TIPARP: variants seen among roughly 807,000 people sequenced by gnomAD.
TIPARP encodes protein mono-ADP-ribosyltransferase TIPARP.
Under a neutral mutation model 56.5 loss-of-function variants are expected in TIPARP, and 12 were observed. The observed-to-expected ratio is 0.21, with a 90% CI of 0.14 to 0.34. The LOEUF (loss-of-function observed/expected upper bound fraction) is 0.34, where lower values mean the gene tolerates loss of function less well. Ranked by LOEUF, TIPARP falls within the 10% of genes least tolerant of loss-of-function variation. TIPARP has a pLI of 1.00. For synonymous variants in TIPARP, 296 were observed against 265.7 expected, an observed-to-expected ratio of 1.11 and a Z score of -1.11; for missense variants, 604 against 781.6, an observed-to-expected ratio of 0.77 and a Z score of 2.71.
chr3:156,690,180 A>G (rs1722529221), intron 2 of TIPARP, among the ~76,000 whole-genome samples: 1 of 152,112 alleles, frequency 6.6e-6, no homozygotes, highest in Non-Finnish European at 1.5e-5. Context: ...TAAACCCAAG[A>G]GCTATTTATC....
intron 2 of TIPARP, among the ~76,000 whole-genome samples, chr3:156,685,120 A>T (rs1454759626): frequency 6.6e-6 from 1 of 152,250 alleles, no homozygotes; most frequent in African/African-American, 2.4e-5. Context: ...CTCAAATTTT[A>T]GAAGTTGATG....
chr3:156,677,675 A>T lies in TIPARP; in HGVS notation c.-23A>T. On this transcript the variant is annotated 5_prime_UTR_variant, in exon 2 of 6. Coordinates refer to ENST00000295924, the MANE Select transcript of TIPARP (RefSeq NM_015508.5). ...CTCGTAGGATTTTTAGACTCTGAGG[A>T]GCAGTTGGAGCTAATCCACATTATG... is the stretch of plus-strand genomic sequence containing the variant. 1 of 1,534,392 alleles carries T rather than the reference A, an allele frequency of 6.5e-7. No individual in the cohort carries two copies. The highest frequency in any genetic ancestry group is 8.7e-7 in the Non-Finnish European group (1 of 1,145,246).
rs1174204112 is a variant in TIPARP at position 156,682,051 on chromosome 3, A to G, written c.917+3437A>G. ...TGCACACTGTGGAGTACTGTTGTGGATAATTGAAATTATGGAGGTTGTGCA... is the reference window on the plus strand; with the variant it reads ...TGCACACTGTGGAGTACTGTTGTGGGTAATTGAAATTATGGAGGTTGTGCA... On this transcript the variant is annotated intron_variant, in intron 2 of 5. Transcript: ENST00000295924. Among the ~76,000 whole-genome samples, 8 of 152,220 alleles carry G rather than the reference A, an allele frequency of 5.3e-5. No homozygotes were observed. In the East Asian group the frequency reaches 1.3e-3, roughly 26 times the overall value.
intron 2 of TIPARP, among the ~76,000 whole-genome samples, chr3:156,690,820 G>A (rs1164484228): frequency 6.6e-6 from 1 of 152,022 alleles, no homozygotes; most frequent in Non-Finnish European, 1.5e-5. Flanking sequence ...AGACCAGATG[G>A]GGTTTTCATC....
At chr3:156,683,625 TTCCTATTATACTAGAATTA>T (rs1218742335) in intron 2 of TIPARP, among the ~76,000 whole-genome samples, 2 of 152,230 alleles carry the variant, frequency 1.3e-5, no homozygotes, top group Non-Finnish European at 2.9e-5. Flanking sequence ...GTAAATCTAT[TTCCTATTATACTAGAATTA>T]TCCTATTATA....
intron 2 of TIPARP, among the ~76,000 whole-genome samples, chr3:156,692,705 TAG>T (rs1224349310): frequency 2.0e-5 from 3 of 152,146 alleles, no homozygotes; most frequent in Non-Finnish European, 4.4e-5. Context: ...AACATTGGGA[TAG>T]AGGATGGCAA....
chr3:156,684,790 T>C (rs1176899929), intron 2 of TIPARP, among the ~76,000 whole-genome samples: 1 of 152,186 alleles, frequency 6.6e-6, no homozygotes, highest in Admixed American at 6.5e-5. Flanking sequence ...TTATAGATTG[T>C]TTATGACAGT....
At chr3:156,679,889 C>A (rs1722247769) in intron 2 of TIPARP, among the ~76,000 whole-genome samples, 1 of 152,092 alleles carries the variant, frequency 6.6e-6, no homozygotes, top group South Asian at 2.1e-4. Flanking sequence ...TGACTGGTGC[C>A]CACAGAGCTT....
intron 2 of TIPARP, among the ~76,000 whole-genome samples, chr3:156,679,230 T>C (rs931530953): frequency 2.0e-5 from 3 of 152,176 alleles, no homozygotes; most frequent in African/African-American, 7.2e-5. Flanking sequence ...GAAGAGTCCT[T>C]TAACAATCAG....
chr3:156,678,059 T>C lies in TIPARP; in HGVS notation c.362T>C (p.Ile121Thr), dbSNP rs201782670. Residue 121 changes from isoleucine to threonine, a missense_variant, in exon 2 of 6, where the codon ATA becomes ACA. Coordinates refer to ENST00000295924, the MANE Select transcript of TIPARP (RefSeq NM_015508.5). Reference sequence around the variant, plus strand: ...GATAGGACAAATGTTGGGGACCAGATACCGGAAGCCCATCCTTCCACTGAA... The same window carrying C: ...GATAGGACAAATGTTGGGGACCAGACACCGGAAGCCCATCCTTCCACTGAA... ...IPDRTNVGDQIPEAHPSTEAP... is the reference protein window; with the variant it reads ...IPDRTNVGDQTPEAHPSTEAP... 2.9e-5 allele frequency: 47 copies of C among 1,614,102 alleles called. No homozygotes were observed. The highest frequency in any genetic ancestry group is 3.5e-5 in the Non-Finnish European group (41 of 1,180,020).
At chr3:156,696,785 A>G (rs1042701587) in intron 4 of TIPARP, among the ~76,000 whole-genome samples, 7 of 152,156 alleles carry the variant, frequency 4.6e-5, no homozygotes, top group African/African-American at 1.7e-4. Flanking sequence ...CAGATATGCT[A>G]TTTTTAGAGA....
At chr3:156,687,101 T>C (rs181032509) in intron 2 of TIPARP, among the ~76,000 whole-genome samples, 10 of 152,330 alleles carry the variant, frequency 6.6e-5, no homozygotes, top group Admixed American at 4.6e-4. Flanking sequence ...TAAGGCATGC[T>C]ACCAATTTAT....
intron 2 of TIPARP, among the ~76,000 whole-genome samples, chr3:156,688,638 A>G (rs1559973315): frequency 6.6e-6 from 1 of 152,144 alleles, no homozygotes; most frequent in Non-Finnish European, 1.5e-5. Context: ...TTTTCACAAA[A>G]TGTGTTGGTA....
In TIPARP at chr3:156,706,645, C is replaced by T. The variant is rs1286895290; in HGVS notation, c.*1514C>T. On this transcript the variant is annotated 3_prime_UTR_variant, in exon 6 of 6. Transcript: ENST00000295924. ...ATCTTTTTCAAGTTAAGACACCTTA[C>T]CATTGCTTATTTGGTTTTATGAGAC... 2 of 152,628 alleles carry T rather than the reference C, an allele frequency of 1.3e-5. No homozygotes were observed. Among genetic ancestry groups the T allele is most frequent in the Non-Finnish European group, 2.9e-5 (2 of 68,042 alleles). 9.5% of individuals were successfully genotyped at this position (152,628 alleles called of 1,614,324 possible).
chr3:156,705,250 C>A lies in TIPARP; in HGVS notation c.*119C>A, dbSNP rs1722952652. On this transcript the variant is annotated 3_prime_UTR_variant, in exon 6 of 6. Transcript: ENST00000295924. ...GACATTAATAGGGCACTTTTCAGAC[C>A]CATTTTTTAAAGTGCTAGAAAATGC... The A allele has an allele frequency of 5.8e-6, 4 of 689,766 alleles. No homozygotes were observed. Among genetic ancestry groups the A allele is most frequent in the South Asian group, 2.1e-5 (1 of 47,194 alleles). 42.7% of individuals were successfully genotyped at this position (689,766 alleles called of 1,614,324 possible). A position where few individuals can be genotyped will look rare whatever the true frequency, so the allele number is the denominator to read the frequency against.
chr3:156,690,914 AT>A (rs1407032001), intron 2 of TIPARP, among the ~76,000 whole-genome samples: 1 of 152,102 alleles, frequency 6.6e-6, no homozygotes, highest in Non-Finnish European at 1.5e-5. Context: ...AACATCCTGT[AT>A]TTACTGCTTT....
At chr3:156,687,644 GT>G (rs145749402) in intron 2 of TIPARP, among the ~76,000 whole-genome samples, 4,856 of 152,194 alleles carry the variant, frequency 0.032, 109 homozygotes, top group Non-Finnish European at 0.048. Flanking sequence ...ACTGTGTTAT[GT>G]TTGTTTAGCT....
chr3:156,682,843 A>G (rs1002575618), intron 2 of TIPARP, among the ~76,000 whole-genome samples: 1 of 152,234 alleles, frequency 6.6e-6, no homozygotes, highest in African/African-American at 2.4e-5. Flanking sequence ...TCCATAAGCA[A>G]GAACTGTGTT....
chr3:156,684,322 G>A (rs1333846567), intron 2 of TIPARP, among the ~76,000 whole-genome samples: 1 of 152,180 alleles, frequency 6.6e-6, no homozygotes, highest in Non-Finnish European at 1.5e-5. Flanking sequence ...GTTTGAAATA[G>A]GTGATAGCCT....
Sources: allele counts gnomAD v4.1 joint callset (sites outside exome capture counted in the v4.1 genomes callset), GRCh38; gene constraint gnomAD v4.1.1; transcripts MANE v1.5; gene names NCBI Gene and HGNC (gene_info 2026-07-23, HGNC 2026-07-21).